The following SETD2 variants were observed in gnomAD, a reference collection of about 807,000 sequenced individuals.
SETD2 encodes the protein SET domain containing 2, histone lysine methyltransferase.
SETD2 carries 31 observed loss-of-function variants against 242.1 expected under a neutral mutation model. The observed-to-expected ratio is 0.13, with a 90% confidence interval of 0.10 to 0.17. SETD2 has a LOEUF of 0.17. SETD2 is among the 10% of genes least tolerant of loss of function. SETD2 has a pLI of 1.00. For missense variants in SETD2, 2,481 were observed against 3,046.3 expected (o/e 0.81, Z 4.37); for synonymous variants, 1,006 against 1,066.5 (o/e 0.94, Z 1.11).
intron 1 of SETD2, among the ~76,000 whole-genome samples, chr3:47,157,351 G>C (rs1040033001): frequency 6.6e-6 from 1 of 152,124 alleles, no homozygotes; most frequent in Non-Finnish European, 1.5e-5. Flanking sequence ...CAGTTACAGT[G>C]AGCTATAATC....
intron 1 of SETD2, among the ~76,000 whole-genome samples, chr3:47,132,464 A>T (rs147983369): frequency 2.4e-4 from 36 of 152,260 alleles, no homozygotes; most frequent in African/African-American, 8.2e-4. Flanking sequence ...TCCAGCCTAG[A>T]AGATAGAGGG....
chr3:47,157,898 AAAAG>A (rs1010908746), intron 1 of SETD2, among the ~76,000 whole-genome samples: 2 of 152,034 alleles, frequency 1.3e-5, no homozygotes, highest in African/African-American at 4.8e-5. Flanking sequence ...AAAGAAAAAA[AAAAG>A]AAACTAACAC....
At chr3:47,075,564 CA>C (rs55635941) in intron 12 of SETD2, among the ~76,000 whole-genome samples, 1,803 of 76,386 alleles carry the variant, frequency 0.024, 6 homozygotes, top group Middle Eastern at 0.037. Flanking sequence ...AACTCCGTCT[CA>C]AAAAAAAAAA....
At chr3:47,126,054 G>A (rs921552554) in intron 2 of SETD2, among the ~76,000 whole-genome samples, 8 of 152,156 alleles carry the variant, frequency 5.3e-5, no homozygotes, top group Admixed American at 3.3e-4. Context: ...TTTTGAGACA[G>A]AGTCTTGCTC....
intron 1 of SETD2, among the ~76,000 whole-genome samples, chr3:47,153,373 T>C (rs984943916): frequency 1.2e-4 from 19 of 152,172 alleles, no homozygotes; most frequent in African/African-American, 4.6e-4. Context: ...TAAGTCCAAC[T>C]ATGGAAAAAT....
intron 12 of SETD2, among the ~76,000 whole-genome samples, chr3:47,080,564 T>C (rs1174487479): frequency 6.6e-6 from 1 of 152,198 alleles, no homozygotes; most frequent in Non-Finnish European, 1.5e-5. Flanking sequence ...GTCTAGGGTA[T>C]ATTTTCAGCA....
Position 47,121,098 on chromosome 3 carries a change from G to A in SETD2, c.3538C>T (p.Pro1180Ser), listed in dbSNP as rs2106639882. The change falls in exon 3 of 21, where the codon CCT becomes TCT. Residue 1180 changes from proline (P) to serine (S), a missense_variant. By Grantham distance (74) the Pro-to-Ser change is moderately conservative (BLOSUM62 -1). Around this residue, in one of 17 missense-constraint regions of SETD2, gnomAD observed 1,300 missense variants for 1,259.2 expected, o/e 1.03. Coordinates refer to ENST00000409792, the MANE Select transcript of SETD2 (RefSeq NM_014159.7). ...TCCTCTGAATTTGGGTGACCCAGAG[G>A]GTCAGATTTCACATCTGTATGACTT... ...STSHTDVKSD[P>S]LGHPNSEETV... 1 of 1,613,940 alleles carries A rather than the reference G, an allele frequency of 6.2e-7. No homozygotes were observed.
rs2106718916 is a variant in SETD2 at position 47,124,059 on chromosome 3, G to T, written c.577C>A (p.Pro193Thr). ...GTTGTGGCTTGGGCAGGTGGAGGCG[G>T]TGGAGGCGGAGATGAGGGCGGTGAG... Reference protein sequence around the residue: ...VDSPPSSPPPPPPPAQATTLS... With the variant: ...VDSPPSSPPPTPPPAQATTLS... Residue 193 changes from proline (P) to threonine (T), a missense_variant, in exon 3 of 21, where the codon CCG (proline) becomes ACG (threonine). By Grantham distance (38) the Pro-to-Thr change is conservative. Around this residue, in one of 17 missense-constraint regions of SETD2, gnomAD observed 334 missense variants for 374.5 expected, o/e 0.89. Coordinates refer to ENST00000409792, the MANE Select transcript of SETD2 (RefSeq NM_014159.7). 1 of 1,551,978 alleles carries T rather than the reference G, an allele frequency of 6.4e-7. No individual in the cohort carries two copies. Among genetic ancestry groups the T allele is most frequent in the Non-Finnish European group, 8.7e-7 (1 of 1,147,052 alleles).
chr3:47,032,916 GA>G (rs994149742), intron 18 of SETD2, among the ~76,000 whole-genome samples: 50 of 141,494 alleles, frequency 3.5e-4, no homozygotes, highest in Non-Finnish European at 3.7e-4. Flanking sequence ...TCTCAGAGAT[GA>G]AAAAAAAAAA....
chr3:47,033,158 G>A (rs548299625), intron 18 of SETD2, among the ~76,000 whole-genome samples: 46 of 152,288 alleles, frequency 3.0e-4, no homozygotes, highest in Non-Finnish European at 5.1e-4. Context: ...CAAGTTTTAT[G>A]ATGCCTATGT....
chr3:47,072,601 G>T (rs1345694640), intron 12 of SETD2, among the ~76,000 whole-genome samples: 1 of 151,944 alleles, frequency 6.6e-6, no homozygotes, highest in Non-Finnish European at 1.5e-5. Flanking sequence ...CAGGCAGATC[G>T]CTTTAGGCCA....
intron 1 of SETD2, among the ~76,000 whole-genome samples, chr3:47,130,619 G>T (rs188530683): frequency 1.3e-5 from 2 of 152,244 alleles, no homozygotes; most frequent in East Asian, 1.9e-4. Context: ...AAGAAAGGTT[G>T]ATGAAACAAG....
Position 47,026,949 on chromosome 3 carries a change from G to GTA in SETD2, c.7351-7111_7351-7110dup, listed in dbSNP as rs201906460. On this transcript the variant is annotated intron_variant, in intron 18 of 20. Transcript: ENST00000409792. ...CTGCACATGTACCCCAGAACTTAAA[G>GTA]TATATATATATAAAATAAATAAATA... 1.7e-3 allele frequency among the ~76,000 whole-genome samples: 250 copies of GTA among 151,406 alleles called. 5 individuals are homozygous for GTA. In the East Asian group the frequency reaches 0.034, roughly 20 times the overall value.
Position 47,122,170 on chromosome 3 carries a change from A to G in SETD2, c.2466T>C (p.Asn822=), listed in dbSNP as rs1559745805. Reference sequence around the variant, plus strand: ...ATTCCAAATGCACATTCATAAAGCTATTTGAAGAAATCTTCATAACTGAAG... The same window carrying G: ...ATTCCAAATGCACATTCATAAAGCTGTTTGAAGAAATCTTCATAACTGAAG... ...IEPSVMKISS[N]SFMNVHLESK... Residue 822 remains asparagine (N), a synonymous_variant, in exon 3 of 21, where the codon AAT becomes AAC. Transcript: ENST00000409792. 1.9e-6 allele frequency: 3 copies of G among 1,614,006 alleles called. No homozygotes were observed. Among genetic ancestry groups the G allele is most frequent in the Non-Finnish European group, 1.7e-6 (2 of 1,179,904 alleles).
chr3:47,131,675 G>A (rs2043479628), intron 1 of SETD2, among the ~76,000 whole-genome samples: 2 of 151,206 alleles, frequency 1.3e-5, no homozygotes, highest in Admixed American at 6.6e-5. Flanking sequence ...AGTACTATAT[G>A]TAGCTGCGGG....
At chr3:47,090,268 CAAATA>C (rs781493630) in intron 9 of SETD2, among the ~76,000 whole-genome samples, 28 of 151,700 alleles carry the variant, frequency 1.8e-4, no homozygotes, top group Non-Finnish European at 3.1e-4. Flanking sequence ...AACAAACAAA[CAAATA>C]AAAGACTGGT....
intron 12 of SETD2, among the ~76,000 whole-genome samples, chr3:47,072,307 C>CA (rs977355122): frequency 5.3e-5 from 8 of 150,802 alleles, no homozygotes; most frequent in African/African-American, 1.2e-4. Flanking sequence ...GACTCTGTCT[C>CA]AAAAAAAAGA....
intron 18 of SETD2, among the ~76,000 whole-genome samples, chr3:47,028,695 TATA>T (rs1333972576): frequency 1.3e-5 from 2 of 152,208 alleles, no homozygotes; most frequent in Non-Finnish European, 2.9e-5. Flanking sequence ...AAAAAGCTAT[TATA>T]AATGCTCACA....
chr3:47,053,115 T>C (rs2039920054), intron 15 of SETD2, among the ~76,000 whole-genome samples: 1 of 152,016 alleles, frequency 6.6e-6, no homozygotes, highest in Non-Finnish European at 1.5e-5. Flanking sequence ...CTCGAACTCC[T>C]GACTTCAGGT....
Sources: gnomAD v4.1 joint callset for allele counts (sites outside exome capture counted in the v4.1 genomes callset) on GRCh38, gnomAD v4.1.1 for gene constraint, gnomAD v4.1.1 regional missense constraint, MANE v1.5 for transcripts, NCBI Gene and HGNC (gene_info 2026-07-23, HGNC 2026-07-21) for gene names.